Variants in AFG2A observed in about 807,000 individuals in gnomAD.
The protein encoded by AFG2A is ATPase family gene 2 protein homolog A.
the AFG2A span, among the ~76,000 whole-genome samples, chr4:123,025,626 T>C: frequency 6.6e-6 from 1 of 152,178 alleles, no homozygotes; most frequent in Non-Finnish European, 1.5e-5. Context: ...TAGGAAACAA[T>C]CTACCTCATC....
At chr4:122,987,667 C>G in the AFG2A span, among the ~76,000 whole-genome samples, 1 of 152,100 alleles carries the variant, frequency 6.6e-6, no homozygotes, top group Non-Finnish European at 1.5e-5. Context: ...CTGTTAATAA[C>G]TTAACATTGG....
At chr4:123,277,389 G>C in the AFG2A span, among the ~76,000 whole-genome samples, 2 of 152,106 alleles carry the variant, frequency 1.3e-5, no homozygotes, top group Non-Finnish European at 1.5e-5. Context: ...GAGACTATGG[G>C]GGTTTTCTAG....
chr4:123,007,608 GTATATATATA>G, the AFG2A span, among the ~76,000 whole-genome samples: 1 of 18,144 alleles, frequency 5.5e-5, no homozygotes, highest in African/African-American at 1.8e-4. Context: ...GTGTGTGTGT[GTATATATATA>G]TATATATATA....
At chr4:122,935,584 G>GA in the AFG2A span, 1 of 1,088,742 alleles carries the variant, frequency 9.2e-7, no homozygotes, top group Non-Finnish European at 1.3e-6. Flanking sequence ...TGGAGGGGGA[G>GA]AAAAAACTCT....
the AFG2A span, among the ~76,000 whole-genome samples, chr4:123,069,858 A>C: frequency 6.6e-6 from 1 of 152,236 alleles, no homozygotes; most frequent in Non-Finnish European, 1.5e-5. Flanking sequence ...CCAATGTCTT[A>C]ACAATCTCCT....
At chr4:123,005,536 C>T in the AFG2A span, among the ~76,000 whole-genome samples, 1 of 152,052 alleles carries the variant, frequency 6.6e-6, no homozygotes, top group African/African-American at 2.4e-5. Context: ...TTGCTTTATG[C>T]TAAATTTCTT....
the AFG2A span, among the ~76,000 whole-genome samples, chr4:123,263,094 C>T: frequency 6.6e-6 from 1 of 152,148 alleles, no homozygotes; most frequent in Non-Finnish European, 1.5e-5. Context: ...GAATATCATC[C>T]GAACTTGCTT....
chr4:123,090,575 T>C, the AFG2A span: 4 of 1,613,718 alleles, frequency 2.5e-6, no homozygotes, highest in Non-Finnish European at 3.4e-6. Flanking sequence ...ACTTTCAAAA[T>C]CAGTTCTTTA....
chr4:123,078,435 G>A, the AFG2A span, among the ~76,000 whole-genome samples: 1 of 152,110 alleles, frequency 6.6e-6, no homozygotes, highest in African/African-American at 2.4e-5. Flanking sequence ...TGATTTTGCT[G>A]CTTTTGAATG....
chr4:123,309,729 G>C, the AFG2A span, among the ~76,000 whole-genome samples: 9 of 152,114 alleles, frequency 5.9e-5, no homozygotes, highest in Non-Finnish European at 1.2e-4. Flanking sequence ...ATGCTCATTG[G>C]AGCATTTTGG....
chr4:123,125,714 T>C, the AFG2A span, among the ~76,000 whole-genome samples: 1 of 152,208 alleles, frequency 6.6e-6, no homozygotes, highest in Non-Finnish European at 1.5e-5. Context: ...CTAGTACTCT[T>C]TTATTTCAGT....
the AFG2A span, among the ~76,000 whole-genome samples, chr4:123,259,049 T>C: frequency 1.3e-5 from 2 of 151,938 alleles, no homozygotes; most frequent in East Asian, 1.9e-4. Flanking sequence ...GTATTTTTAT[T>C]AGAGACAGGG....
chr4:123,077,356 C>T, the AFG2A span, among the ~76,000 whole-genome samples: 1 of 151,700 alleles, frequency 6.6e-6, no homozygotes, highest in Non-Finnish European at 1.5e-5. Context: ...CCCTTTTTTT[C>T]CTATCTTAAA....
At chr4:122,946,158 A>T in the AFG2A span, among the ~76,000 whole-genome samples, 5 of 152,254 alleles carry the variant, frequency 3.3e-5, no homozygotes, top group Non-Finnish European at 7.3e-5. Context: ...TGTGACTGTT[A>T]AGCAGACCAA....
the AFG2A span, among the ~76,000 whole-genome samples, chr4:123,311,441 T>C: frequency 1.4e-4 from 22 of 151,792 alleles, no homozygotes; most frequent in Admixed American, 1.1e-3. Context: ...TCCTGGCTAA[T>C]ATGGTGAAAC....
the AFG2A span, among the ~76,000 whole-genome samples, chr4:123,285,016 T>G: frequency 6.6e-6 from 1 of 152,172 alleles, no homozygotes; most frequent in Non-Finnish European, 1.5e-5. Context: ...GGTTACAACC[T>G]GTCTCCTTTT....
chr4:123,169,270 A>T, the AFG2A span, among the ~76,000 whole-genome samples: 5 of 152,184 alleles, frequency 3.3e-5, no homozygotes, highest in Admixed American at 3.3e-4. Context: ...GGGCTTAGTA[A>T]ATTCTTAGTA....
At chr4:123,012,474 C>T in the AFG2A span, among the ~76,000 whole-genome samples, 3 of 152,078 alleles carry the variant, frequency 2.0e-5, no homozygotes, top group Non-Finnish European at 4.4e-5. Flanking sequence ...GCAGGTGTCC[C>T]CACAATTGAC....
chr4:123,090,345 T>C, the AFG2A span, among the ~76,000 whole-genome samples: 2 of 152,220 alleles, frequency 1.3e-5, no homozygotes, highest in African/African-American at 4.8e-5. Context: ...TTTATTTAAA[T>C]ATTTTTGTTT....
Sources: allele counts gnomAD v4.1 joint callset (sites outside exome capture counted in the v4.1 genomes callset), GRCh38; gene constraint gnomAD v4.1.1; transcripts MANE v1.5; gene names NCBI Gene and HGNC (gene_info 2026-07-23, HGNC 2026-07-21).